ARHGEF3: variants seen among roughly 807,000 people sequenced by gnomAD.
The protein encoded by ARHGEF3 is Rho guanine nucleotide exchange factor 3, also known as 59.8 kDA protein.
A neutral mutation model predicts 63.2 loss-of-function variants in ARHGEF3; 28 were observed. The ratio of observed to expected loss-of-function variants is 0.44; its 90% CI spans 0.33 to 0.61. ARHGEF3 has a LOEUF of 0.61. ARHGEF3 is among the 20% of genes least tolerant of loss of function. ARHGEF3 has a pLI of 0.03. For synonymous variants in ARHGEF3, 266 were observed against 254.2 expected, an observed-to-expected ratio of 1.05 and a Z score of -0.44; for missense variants, 533 against 659.3, an observed-to-expected ratio of 0.81 and a Z score of 2.10.
In ARHGEF3 at chr3:56,732,328, G is replaced by A; in HGVS notation, c.1138C>T (p.Pro380Ser). The A allele has an allele frequency of 6.2e-7, 1 of 1,614,196 alleles. No individual in the cohort carries two copies. The highest frequency in any genetic ancestry group is 8.5e-7 in the Non-Finnish European group (1 of 1,180,040). ...LCYQLYRQPI[P>S]VKDLLLEDLQ... ...TCTTCCAGCAGGAGGTCTTTCACGG[G>A]GATTGGCTGACGGTACAGCTGGTAG... The change falls in exon 9 of 10, where the codon CCC (proline) becomes TCC (serine). Residue 380 changes from proline (P) to serine (S), a missense_variant. Around this residue, in one of 4 missense-constraint regions of ARHGEF3, gnomAD observed 151 missense variants for 190.7 expected, o/e 0.79. Transcript: ENST00000296315.
chr3:56,895,628 T>C (rs2041278075), intron 3 of ARHGEF3, among the ~76,000 whole-genome samples: 1 of 151,986 alleles, frequency 6.6e-6, no homozygotes, highest in Non-Finnish European at 1.5e-5. Flanking sequence ...CACACCGGGC[T>C]AATTTTTTGT....
intron 4 of ARHGEF3, among the ~76,000 whole-genome samples, chr3:56,859,703 T>G (rs1412410624): frequency 2.0e-5 from 3 of 151,064 alleles, no homozygotes; most frequent in East Asian, 4.0e-4. Flanking sequence ...AGGCTAATTT[T>G]TTTTTTTTTT....
chr3:57,015,982 C>T (rs1702982011), intron 2 of ARHGEF3, among the ~76,000 whole-genome samples: 1 of 151,982 alleles, frequency 6.6e-6, no homozygotes, highest in African/African-American at 2.4e-5. Flanking sequence ...ACCACAGAGG[C>T]AGGGGTCCAC....
At chr3:56,773,647 G>A in intron 2 of ARHGEF3, 62 bp downstream of exon 2, 4 of 1,378,046 alleles carry the variant, frequency 2.9e-6, no homozygotes, top group South Asian at 1.4e-5. Flanking sequence ...AGGTAGGATG[G>A]GGATGTTCCT....
At chr3:56,739,101 T>C (rs143054005) in intron 7 of ARHGEF3, among the ~76,000 whole-genome samples, 281 of 151,828 alleles carry the variant, frequency 1.9e-3, no homozygotes, top group Non-Finnish European at 2.3e-3. Context: ...TCTCAAAAAA[T>C]TAAAAAACTC....
intron 3 of ARHGEF3, among the ~76,000 whole-genome samples, chr3:56,907,857 G>T (rs2041740405): frequency 6.6e-6 from 1 of 152,112 alleles, no homozygotes; most frequent in Non-Finnish European, 1.5e-5. Flanking sequence ...CACACACTGG[G>T]GCCTATCAGA....
chr3:56,995,670 A>AGAGAGG (rs1701957584), intron 2 of ARHGEF3, among the ~76,000 whole-genome samples: 1 of 132,748 alleles, frequency 7.5e-6, no homozygotes, highest in African/African-American at 2.7e-5. Flanking sequence ...AGAGAGAGAG[A>AGAGAGG]GAATTTTTTT....
chr3:56,745,918 G>A (rs1258661341), intron 6 of ARHGEF3, among the ~76,000 whole-genome samples: 7 of 152,188 alleles, frequency 4.6e-5, no homozygotes, highest in South Asian at 2.1e-4. Flanking sequence ...TGATCCGCCC[G>A]CCTCGGCCTC....
chr3:56,988,785 T>C (rs1023163582), intron 2 of ARHGEF3, among the ~76,000 whole-genome samples: 2 of 152,286 alleles, frequency 1.3e-5, no homozygotes, highest in East Asian at 1.9e-4. Flanking sequence ...TATTAATTAA[T>C]TGGTGTTTAT....
intron 2 of ARHGEF3, among the ~76,000 whole-genome samples, chr3:56,764,199 G>A (rs2035575069): frequency 6.6e-6 from 1 of 152,152 alleles, no homozygotes; most frequent in South Asian, 2.1e-4. Flanking sequence ...ATTTGGCTTA[G>A]GTGTAGAGAA....
intron 2 of ARHGEF3, among the ~76,000 whole-genome samples, chr3:57,033,042 A>C (rs1703796798): frequency 6.6e-6 from 1 of 152,212 alleles, no homozygotes; most frequent in African/African-American, 2.4e-5. Flanking sequence ...GAGGCAGAGG[A>C]AACTACAACC....
intron 1 of ARHGEF3, among the ~76,000 whole-genome samples, chr3:57,070,223 T>C (rs1169862759): frequency 6.6e-6 from 1 of 152,176 alleles, no homozygotes; most frequent in African/African-American, 2.4e-5. Context: ...GGGAGTATCT[T>C]AGAGATCTCC....
intron 2 of ARHGEF3, among the ~76,000 whole-genome samples, chr3:56,772,144 G>C (rs77114469): frequency 0.015 from 2,222 of 152,258 alleles, 43 homozygotes; most frequent in East Asian, 0.096. Flanking sequence ...GGATCCAGCG[G>C]CCCAAGTGCT....
intron 7 of ARHGEF3, among the ~76,000 whole-genome samples, chr3:56,743,673 C>G (rs2034188637): frequency 6.6e-6 from 1 of 152,214 alleles, no homozygotes; most frequent in African/African-American, 2.4e-5. Context: ...TATTAAACCC[C>G]TATCTGGGAG....
At chr3:56,995,666 A>AGAGAGAGAGAGAGAGAGAGAGG (rs1560116629) in intron 2 of ARHGEF3, among the ~76,000 whole-genome samples, 12 of 127,246 alleles carry the variant, frequency 9.4e-5, no homozygotes, top group Non-Finnish European at 3.5e-5. Flanking sequence ...AGAGAGAGAG[A>AGAGAGAGAGAGAGAGAGAGAGG]GAGAGAATTT....
intron 3 of ARHGEF3, among the ~76,000 whole-genome samples, chr3:56,896,525 T>C (rs1367765668): frequency 6.6e-6 from 1 of 152,228 alleles, no homozygotes; most frequent in Admixed American, 6.5e-5. Flanking sequence ...TTCATAGCTA[T>C]TGGTTTTCCT....
chr3:56,930,917 C>T (rs890041070), intron 3 of ARHGEF3, among the ~76,000 whole-genome samples: 6 of 152,016 alleles, frequency 3.9e-5, no homozygotes, highest in African/African-American at 1.5e-4. Context: ...AAGAGCGAAT[C>T]GAGGACAAGT....
At chr3:56,981,573 GTAT>G (rs1338519807) in intron 2 of ARHGEF3, among the ~76,000 whole-genome samples, 5 of 152,172 alleles carry the variant, frequency 3.3e-5, no homozygotes, top group Non-Finnish European at 5.9e-5. Flanking sequence ...CCATAACCCT[GTAT>G]TATTTCAAAC....
intron 4 of ARHGEF3, among the ~76,000 whole-genome samples, chr3:56,843,706 T>A (rs1424227483): frequency 6.6e-6 from 1 of 152,010 alleles, no homozygotes; most frequent in Non-Finnish European, 1.5e-5. Context: ...TTTTTTATAT[T>A]GTAAAGTGAA....
Sources: allele counts gnomAD v4.1 joint callset (sites outside exome capture counted in the v4.1 genomes callset), GRCh38; gene constraint gnomAD v4.1.1; regional missense constraint gnomAD v4.1.1; transcripts MANE v1.5; gene names NCBI Gene and HGNC (gene_info 2026-07-23, HGNC 2026-07-21).